APPL1: variants seen among roughly 807,000 people sequenced by gnomAD.
APPL1 encodes the protein adaptor protein, phosphotyrosine interacting with PH domain and leucine zipper 1, also known as DCC-interacting protein 13-alpha.
In APPL1, 42 loss-of-function variants were observed where a neutral mutation model predicts 106.8. That is an observed-to-expected ratio of 0.39 (90% CI 0.31 to 0.51). The LOEUF (loss-of-function observed/expected upper bound fraction) is 0.51. Ranked by LOEUF, APPL1 falls within the 20% of genes least tolerant of loss-of-function variation. APPL1 has a pLI of 0.75. For synonymous variants in APPL1, 263 were observed against 281.8 expected (o/e 0.93, Z 0.67); for missense variants, 769 against 858.2 (o/e 0.90, Z 1.30).
At chr3:57,239,061 C>G (rs889092056) in intron 4 of APPL1, among the ~76,000 whole-genome samples, 1 of 152,334 alleles carries the variant, frequency 6.6e-6, no homozygotes, top group East Asian at 1.9e-4. Context: ...GCACATCTTA[C>G]ATGGCGGCAG....
chr3:57,258,646 A>G (rs540782294), intron 15 of APPL1: 1 of 163,668 alleles, frequency 6.1e-6, no homozygotes, highest in East Asian at 1.7e-4. Context: ...TACAGAACCT[A>G]AAAAGAAGTT....
At chr3:57,235,169 C>T (rs2060709964) in intron 1 of APPL1, among the ~76,000 whole-genome samples, 1 of 152,156 alleles carries the variant, frequency 6.6e-6, no homozygotes, top group Non-Finnish European at 1.5e-5. Context: ...GGTTTGGCCT[C>T]TTCTAGCAAA....
rs1038872424 is a variant in APPL1 at position 57,257,008 on chromosome 3, C to G, written c.1204C>G (p.Pro402Ala). 5.6e-6 allele frequency: 9 copies of G among 1,614,070 alleles called. No individual in the cohort carries two copies. The highest frequency in any genetic ancestry group is 7.6e-6 in the Non-Finnish European group (9 of 1,180,044). Reference protein sequence around the residue: ...QSALEAVTPSPSFQQRHESLR... With the variant: ...QSALEAVTPSASFQQRHESLR... ...AGCTCTGGAAGCTGTCACTCCTTCC[C>G]CATCTTTCCAGCAGAGGCACGAGAG... is the stretch of plus-strand genomic sequence containing the variant. Residue 402 changes from proline to alanine, a missense_variant, in exon 14 of 22, where the codon CCA becomes GCA. Coordinates refer to ENST00000288266, the MANE Select transcript of APPL1 (RefSeq NM_012096.3).
At chr3:57,240,655 C>G (rs1364746775) in intron 5 of APPL1, 103 bp downstream of exon 5, 2 of 992,834 alleles carry the variant, frequency 2.0e-6, no homozygotes, top group Non-Finnish European at 3.1e-6. Flanking sequence ...ACAGCCTATG[C>G]CACTCTTACT....
At chr3:57,229,653 C>T (rs2060675682) in intron 1 of APPL1, among the ~76,000 whole-genome samples, 1 of 149,866 alleles carries the variant, frequency 6.7e-6, no homozygotes, top group Non-Finnish European at 1.5e-5. Flanking sequence ...CCTCCTGCCT[C>T]AGCCTCCCTA....
intron 12 of APPL1, among the ~76,000 whole-genome samples, chr3:57,253,145 G>A (rs1455901886): frequency 6.6e-6 from 1 of 152,118 alleles, no homozygotes; most frequent in Admixed American, 6.6e-5. Context: ...AAGATGTAGA[G>A]CAGAGATTGT....
In APPL1 at chr3:57,228,501, G is replaced by A. The variant is rs1169978507; in HGVS notation, c.54+564G>A. 1.3e-5 allele frequency among the ~76,000 whole-genome samples: 2 copies of A among 152,236 alleles called. No individual in the cohort carries two copies. The highest frequency in any genetic ancestry group is 2.9e-5 in the Non-Finnish European group (2 of 68,050). On this transcript the variant is annotated intron_variant, in intron 1 of 21. Coordinates refer to ENST00000288266, the MANE Select transcript of APPL1 (RefSeq NM_012096.3). This position sits in a 1 kb window ranked among gnomAD's most constrained non-coding sequence, Gnocchi z 4.6. ...ATGTGCCCGTGTCGCGGCCGTGACT[G>A]TGGTCGCTGTCACTCGAGCTGTGCA...
chr3:57,267,757 G>A lies in APPL1; in HGVS notation c.1858G>A (p.Gly620Arg). 6.2e-7 allele frequency: 1 copy of A among 1,613,756 alleles called. No homozygotes were observed. The highest frequency in any genetic ancestry group is 2.2e-5 in the East Asian group (1 of 44,868). ...NEGEKICDSV[G>R]LAKQIALHAE... The stretch of plus-strand genomic sequence containing the variant: ...CTCTTTTTAGATATGTGATTCTGTT[G>A]GACTGGCAAAACAGATAGCTTTGCA... Residue 620 changes from glycine (G) to arginine (R), a missense_variant, in exon 20 of 22, where the codon GGA (glycine) becomes AGA (arginine). Transcript: ENST00000288266.
chr3:57,260,200 A>G, intron 18 of APPL1, 47 bp downstream of exon 18: 4 of 1,540,608 alleles, frequency 2.6e-6, no homozygotes, highest in Non-Finnish European at 3.5e-6. Flanking sequence ...CTTTGTATAT[A>G]TACACATCTT....
At chr3:57,268,376 G>A in intron 20 of APPL1, 22 bp from the exon 21 acceptor site, 1 of 1,506,698 alleles carries the variant, frequency 6.6e-7, no homozygotes, top group East Asian at 2.3e-5. Context: ...TAATTCATTA[G>A]TTTTATTCAT....
Position 57,259,966 on chromosome 3 carries a change from T to A in APPL1, c.1605T>A (p.His535Gln). The A allele has an allele frequency of 6.2e-7, 1 of 1,614,026 alleles. No homozygotes were observed. Among genetic ancestry groups the A allele is most frequent in the Non-Finnish European group, 8.5e-7 (1 of 1,179,984 alleles). ...AAATCTTAGCTGCCCGGGCCATCCATAACATCTTTCGTATGACAGAATCGC... is the reference window on the plus strand; with the variant it reads ...AAATCTTAGCTGCCCGGGCCATCCAAAACATCTTTCGTATGACAGAATCGC... Reference protein sequence around the residue: ...MRQILAARAIHNIFRMTESHL... With the variant: ...MRQILAARAIQNIFRMTESHL... Residue 535 changes from histidine to glutamine, a missense_variant, in exon 17 of 22, where the codon CAT becomes CAA. By Grantham distance (24) the His-to-Gln change is conservative (BLOSUM62 0). Transcript: ENST00000288266.
chr3:57,251,050 G>A lies in APPL1; in HGVS notation c.1053-1219G>A, dbSNP rs1246353595. Among the ~76,000 whole-genome samples the A allele has an allele frequency of 1.6e-4, 23 of 147,552 alleles. 1 individual carries two copies. The highest frequency in any genetic ancestry group is 1.4e-3 in the East Asian group (7 of 4,940). Reference sequence around the variant, plus strand: ...TCTCGATCTCCTGACCTCGTGATCCGCCCGCCTCGGCCTCCCAAAGTGCTG... The same window carrying A: ...TCTCGATCTCCTGACCTCGTGATCCACCCGCCTCGGCCTCCCAAAGTGCTG... On this transcript the variant is annotated intron_variant, in intron 11 of 21. Transcript: ENST00000288266.
chr3:57,249,306 G>C, intron 10 of APPL1, 54 bp from the exon 11 acceptor site: 1 of 1,588,518 alleles, frequency 6.3e-7, no homozygotes, highest in African/African-American at 1.3e-5. Context: ...TCTAGCTGAT[G>C]ATGAGATTTC....
In APPL1 at chr3:57,259,097, G is replaced by A. The variant is rs747252733; in HGVS notation, c.1483+17G>A. 5.0e-6 allele frequency: 8 copies of A among 1,599,872 alleles called. No homozygotes were observed. The East Asian group carries it at 9.0e-5, about 18-fold the overall frequency. ...AAACTGAAGGTAAGACAGATGTGCA[G>A]CATTCATATATTTTAGAACTGCTTC... On this transcript the variant is annotated intron_variant, in intron 16 of 21. Transcript: ENST00000288266.
chr3:57,258,770 T>G, intron 15 of APPL1: 1 of 327,096 alleles, frequency 3.1e-6, no homozygotes. Flanking sequence ...ACATGGTTTA[T>G]TATGTTGATT....
intron 20 of APPL1, chr3:57,268,024 C>A: frequency 2.0e-6 from 1 of 508,252 alleles, no homozygotes. Flanking sequence ...ATCCGGGAGG[C>A]GGAGGTTGCA....
chr3:57,252,682 A>G (rs1351094340), intron 12 of APPL1, among the ~76,000 whole-genome samples: 2 of 152,210 alleles, frequency 1.3e-5, no homozygotes. Flanking sequence ...GTGGCAGCAG[A>G]TGTGACATGG....
At position 57,268,044 on chromosome 3, in the gene APPL1, G is replaced by A. The variant is rs565648513; in HGVS notation, c.1893+252G>A. 26 of 510,758 alleles carry A rather than the reference G, an allele frequency of 5.1e-5. No individual in the cohort carries two copies. The South Asian group carries it at 5.6e-4, about 11-fold the overall frequency. 31.6% of individuals were successfully genotyped at this position (510,758 alleles called of 1,614,324 possible). On this transcript the variant is annotated intron_variant, in intron 20 of 21. Coordinates refer to ENST00000288266, the MANE Select transcript of APPL1 (RefSeq NM_012096.3). Reference sequence around the variant, plus strand: ...GGAGGCGGAGGTTGCAATGAGCCGAGATCACACCACTGCACTCCAGCCTGG... The same window carrying A: ...GGAGGCGGAGGTTGCAATGAGCCGAAATCACACCACTGCACTCCAGCCTGG...
intron 13 of APPL1, among the ~76,000 whole-genome samples, chr3:57,256,206 CAAA>C (rs946489788): frequency 2.0e-5 from 3 of 151,626 alleles, no homozygotes; most frequent in African/African-American, 4.8e-5. Context: ...ACGTATCTCC[CAAA>C]AAAAGACCAT....
Sources: allele counts gnomAD v4.1 joint callset (sites outside exome capture counted in the v4.1 genomes callset), GRCh38; gene constraint gnomAD v4.1.1; non-coding constraint Gnocchi (gnomAD v3.1); transcripts MANE v1.5; gene names NCBI Gene and HGNC (gene_info 2026-07-23, HGNC 2026-07-21).